The following ARVCF variants were observed in gnomAD, a reference collection of about 807,000 sequenced individuals.
ARVCF encodes the protein splicing regulator ARVCF.
A neutral mutation model predicts 90.9 loss-of-function variants in ARVCF; 66 were observed. The ratio of observed to expected loss-of-function variants is 0.73; its 90% CI spans 0.60 to 0.89. ARVCF has a LOEUF of 0.89. Among genes scored for constraint, ARVCF ranks in the 40% least tolerant of loss-of-function variants. The probability of loss-of-function intolerance (pLI) is 0.00; values close to 1 mark genes in which losing one functional copy is unlikely to be tolerated. For synonymous variants in ARVCF, 653 were observed against 603.4 expected, an observed-to-expected ratio of 1.08 and a Z score of -1.21; for missense variants, 1,469 against 1,382.3, an observed-to-expected ratio of 1.06 and a Z score of -1.00.
intron 2 of ARVCF, among the ~76,000 whole-genome samples, chr22:19,994,368 G>A: frequency 6.8e-6 from 1 of 147,194 alleles, no homozygotes; most frequent in Non-Finnish European, 1.5e-5. Flanking sequence ...GGATGGATGG[G>A]TGGGTGGGGG....
At chr22:20,007,537 A>C (rs570358032) in intron 2 of ARVCF, among the ~76,000 whole-genome samples, 1 of 152,372 alleles carries the variant, frequency 6.6e-6, no homozygotes, top group African/African-American at 2.4e-5. Flanking sequence ...CACGTGTTGG[A>C]AACTTAATTC....
chr22:20,014,897 G>A (rs1015784263), intron 1 of ARVCF, among the ~76,000 whole-genome samples: 1 of 152,172 alleles, frequency 6.6e-6, no homozygotes, highest in Non-Finnish European at 1.5e-5. Context: ...GAATCCCTGT[G>A]TAGCACAAAC....
rs199499036 is a variant in ARVCF at position 19,971,347 on chromosome 22, G to T, written c.2782-12C>A. Reference sequence around the variant, plus strand: ...CTGCTGGGGTCGAGCTGCAGCGCACGGGTGGGCATTAGAGGCACAATAGAG... The same window carrying T: ...CTGCTGGGGTCGAGCTGCAGCGCACTGGTGGGCATTAGAGGCACAATAGAG... On this transcript the variant is annotated splice_polypyrimidine_tract_variant and intron_variant, in intron 18 of 19. Coordinates refer to ENST00000263207, the MANE Select transcript of ARVCF (RefSeq NM_001670.3). 1 of 1,549,298 alleles carries T rather than the reference G, an allele frequency of 6.5e-7. No individual in the cohort carries two copies.
chr22:19,998,499 G>A (rs895519502), intron 2 of ARVCF, among the ~76,000 whole-genome samples: 3 of 152,288 alleles, frequency 2.0e-5, no homozygotes, highest in East Asian at 1.9e-4. Flanking sequence ...AGGCCAGCCC[G>A]CCCCAGCTGC....
chr22:20,010,681 C>T (rs2157730), intron 1 of ARVCF, among the ~76,000 whole-genome samples, 173 bp from the exon 2 acceptor site: 16,787 of 152,240 alleles, frequency 0.11, 1,263 homozygotes, highest in Middle Eastern at 0.19. Flanking sequence ...ACCTTCTTGC[C>T]CCCACATGTC....
At chr22:19,972,620 G>T in intron 16 of ARVCF, 117 bp downstream of exon 16, 2 of 1,217,030 alleles carry the variant, frequency 1.6e-6, no homozygotes, top group South Asian at 1.5e-5. Flanking sequence ...AGGGAAAGTG[G>T]CCTATGGAAG....
intron 1 of ARVCF, among the ~76,000 whole-genome samples, chr22:20,011,420 T>G (rs941970898): frequency 6.6e-5 from 10 of 152,076 alleles, no homozygotes; most frequent in Admixed American, 2.0e-4. Flanking sequence ...TTTTCTAGAT[T>G]GTTCTGAGGC....
At chr22:19,971,429 G>T (rs1240284249) in intron 18 of ARVCF, 94 bp from the exon 19 acceptor site, 14 of 1,428,074 alleles carry the variant, frequency 9.8e-6, no homozygotes, top group Non-Finnish European at 1.3e-5. Context: ...GGCTGGCGAT[G>T]TAAGGGTTGG....
chr22:19,997,656 C>T (rs923727719), intron 2 of ARVCF, among the ~76,000 whole-genome samples: 1 of 152,200 alleles, frequency 6.6e-6, no homozygotes, highest in African/African-American at 2.4e-5. Context: ...CTGCATCCTG[C>T]CCAGGGCACC....
At position 20,016,699 on chromosome 22, in the gene ARVCF, G is replaced by A. The variant is rs974783837; in HGVS notation, c.-183C>T. The A allele has an allele frequency of 1.7e-4, 25 of 147,842 alleles. No individual in the cohort carries two copies. The highest frequency in any genetic ancestry group is 1.5e-4 in the Non-Finnish European group (10 of 67,676). The allele number at this position is 147,842 out of a possible 1,614,324, so 9.2% of individuals were successfully genotyped here. On this transcript the variant is annotated 5_prime_UTR_variant, in exon 1 of 20. Coordinates refer to ENST00000263207, the MANE Select transcript of ARVCF (RefSeq NM_001670.3). ...TTCCCAGGGCGCGGCGCGGTGCGGC[G>A]CGGCGCGGGTCGCAGTCCACGCGGC...
downstream of ARVCF, chr22:19,968,749 C>T (rs754031677): frequency 6.3e-7 from 1 of 1,577,332 alleles, no homozygotes; most frequent in Non-Finnish European, 8.6e-7. Context: ...GCCCCCCCGG[C>T]CCCCCTCTCG....
At chr22:19,971,775 C>T in intron 18 of ARVCF, 111 bp downstream of exon 18, 1 of 1,203,868 alleles carries the variant, frequency 8.3e-7, no homozygotes, top group Non-Finnish European at 1.2e-6. Context: ...CCCCACAACC[C>T]AGCTGTACCC....
intron 3 of ARVCF, among the ~76,000 whole-genome samples, chr22:19,989,834 C>T (rs1006585079): frequency 2.0e-5 from 3 of 152,094 alleles, no homozygotes; most frequent in Non-Finnish European, 4.4e-5. Context: ...CCCCCTTCCC[C>T]GTGGCTGCTG....
At chr22:19,973,962 C>G (rs1056628442) in intron 12 of ARVCF, 150 bp downstream of exon 12, 3 of 1,467,524 alleles carry the variant, frequency 2.0e-6, no homozygotes, top group Non-Finnish European at 2.7e-6. Context: ...CCAGGGTGCA[C>G]GCATTGCCCG....
Position 19,970,532 on chromosome 22 carries a change from G to A in ARVCF, c.*224C>T. The A allele has an allele frequency of 8.6e-7, 1 of 1,158,084 alleles. No homozygotes were observed. The highest frequency in any genetic ancestry group is 1.7e-5 in the South Asian group (1 of 60,270). 71.7% of individuals were successfully genotyped at this position (1,158,084 alleles called of 1,614,324 possible). Reference sequence around the variant, plus strand: ...GTCACTCGCTCACACACAGCACCATGTCAGTAAACAGCTAACTCAGGCCTA... The same window carrying A: ...GTCACTCGCTCACACACAGCACCATATCAGTAAACAGCTAACTCAGGCCTA... On this transcript the variant is annotated 3_prime_UTR_variant, in exon 20 of 20. Coordinates refer to ENST00000263207, the MANE Select transcript of ARVCF (RefSeq NM_001670.3).
chr22:20,006,304 G>A (rs921646510), intron 2 of ARVCF, among the ~76,000 whole-genome samples: 12 of 150,362 alleles, frequency 8.0e-5, no homozygotes, highest in East Asian at 2.0e-4. Flanking sequence ...CTGGCCAGGC[G>A]TGGTGGCTCA....
intron 5 of ARVCF, chr22:19,980,923 G>C (rs1943455297): frequency 2.4e-6 from 1 of 408,918 alleles, no homozygotes; most frequent in African/African-American, 2.0e-5. Context: ...GCTGTGACAA[G>C]GGCCAGGGCT....
In ARVCF at chr22:19,970,680, A is replaced by C. The variant is rs1206851056; in HGVS notation, c.*76T>G. The C allele has an allele frequency of 7.8e-7, 1 of 1,286,144 alleles. No homozygotes were observed. Among genetic ancestry groups the C allele is most frequent in the Non-Finnish European group, 1.0e-6 (1 of 987,400 alleles). The allele number at this position is 1,286,144 out of a possible 1,614,324, so 79.7% of individuals were successfully genotyped here. ...AGGGGGCTCCAAGCTCCACGGCACGATCTGCTCAGGGTGGCCCTTCTTCCA... is the reference window on the plus strand; with the variant it reads ...AGGGGGCTCCAAGCTCCACGGCACGCTCTGCTCAGGGTGGCCCTTCTTCCA... On this transcript the variant is annotated 3_prime_UTR_variant, in exon 20 of 20. Coordinates refer to ENST00000263207, the MANE Select transcript of ARVCF (RefSeq NM_001670.3).
At chr22:19,977,873 T>A (rs1943249881) in intron 8 of ARVCF, 85 bp downstream of exon 8, 1 of 1,437,028 alleles carries the variant, frequency 7.0e-7, no homozygotes, top group Non-Finnish European at 9.5e-7. Context: ...CATTCCCCTG[T>A]GCTGCTCCCA....
Sources: gnomAD v4.1 joint callset for allele counts (sites outside exome capture counted in the v4.1 genomes callset) on GRCh38, gnomAD v4.1.1 for gene constraint, MANE v1.5 for transcripts, NCBI Gene and HGNC (gene_info 2026-07-23, HGNC 2026-07-21) for gene names.